The following VCF2 variants were observed in gnomAD, a reference collection of about 807,000 sequenced individuals.
VCF2 encodes the protein protein VCF2.
chrX:55,144,225 G>C, the VCF2 span, among the ~76,000 whole-genome samples: 1 of 111,117 alleles, frequency 9.0e-6, no homozygotes, highest in South Asian at 3.8e-4. Context: ...AATTCTTCCT[G>C]GGTATTTCTG....
At chrX:55,152,697 A>G in the VCF2 span, among the ~76,000 whole-genome samples, 1 of 112,162 alleles carries the variant, frequency 8.9e-6, no homozygotes, top group Non-Finnish European at 1.9e-5. Context: ...CCCACTTCCC[A>G]TTTTATTCCT....
chrX:55,159,931 C>CT, the VCF2 span, among the ~76,000 whole-genome samples: 1 of 111,975 alleles, frequency 8.9e-6, no homozygotes, highest in Non-Finnish European at 1.9e-5. Context: ...CAGACATTTG[C>CT]TTAGAGACTT....
At chrX:55,149,675 A>C in the VCF2 span, among the ~76,000 whole-genome samples, 1 of 111,892 alleles carries the variant, frequency 8.9e-6, no homozygotes. Flanking sequence ...CCCCGATGTC[A>C]GAGTAACAAG....
chrX:55,152,434 A>G, the VCF2 span, among the ~76,000 whole-genome samples: 1 of 111,621 alleles, frequency 9.0e-6, no homozygotes, highest in African/African-American at 3.3e-5. Context: ...ACAACCTGCT[A>G]AAAATAAGGT....
At chrX:55,157,487 G>A in the VCF2 span, among the ~76,000 whole-genome samples, 1 of 112,029 alleles carries the variant, frequency 8.9e-6, no homozygotes, top group African/African-American at 3.2e-5. Context: ...AGCCGAGATC[G>A]TGCCACTGCA....
At chrX:55,159,264 A>G in the VCF2 span, 1 of 1,073,442 alleles carries the variant, frequency 9.3e-7, no homozygotes, top group African/African-American at 1.9e-5. Flanking sequence ...TTGTTACATG[A>G]AACAACTGAT....
At chrX:55,160,804 G>T in the VCF2 span, 1 of 1,149,639 alleles carries the variant, frequency 8.7e-7, no homozygotes, top group Non-Finnish European at 1.2e-6. Context: ...CACTGACTGA[G>T]TTTTCGCGAG....
chrX:55,160,945 C>G, the VCF2 span: 1 of 1,164,281 alleles, frequency 8.6e-7, no homozygotes, highest in Middle Eastern at 2.3e-4. Context: ...ACGAGGCAAG[C>G]AGGGCCGCGC....
the VCF2 span, chrX:55,160,818 C>T: frequency 8.7e-7 from 1 of 1,153,901 alleles, no homozygotes; most frequent in East Asian, 3.3e-5. Context: ...TCGCGAGGGA[C>T]CACATCCCCA....
At chrX:55,146,404 T>C in the VCF2 span, 7 of 764,418 alleles carry the variant, frequency 9.2e-6, no homozygotes, top group South Asian at 2.3e-5. Context: ...AACTCTATAA[T>C]GGGCTTAATG....
the VCF2 span, among the ~76,000 whole-genome samples, chrX:55,153,870 C>T: frequency 9.0e-6 from 1 of 111,460 alleles, no homozygotes; most frequent in African/African-American, 3.3e-5. Context: ...CCTCCTTTAG[C>T]CTAGTAAAGA....
the VCF2 span, chrX:55,146,095 C>T: frequency 8.3e-7 from 1 of 1,207,897 alleles, no homozygotes; most frequent in African/African-American, 1.8e-5. Context: ...CATGTTGGAG[C>T]TTGCCCTCGC....
chrX:55,143,749 ACTT>A, the VCF2 span: 1 of 1,060,600 alleles, frequency 9.4e-7, no homozygotes, highest in Non-Finnish European at 1.3e-6. Flanking sequence ...CCTTGAAAAT[ACTT>A]CTCCTTCATA....
At chrX:55,160,733 G>C in the VCF2 span, 35 of 839,056 alleles carry the variant, frequency 4.2e-5, no homozygotes, top group South Asian at 6.6e-4. Context: ...AATACCAGTT[G>C]CTAGGGTACC....
the VCF2 span, among the ~76,000 whole-genome samples, chrX:55,158,962 T>C: frequency 8.9e-6 from 1 of 112,230 alleles, no homozygotes; most frequent in Non-Finnish European, 1.9e-5. Context: ...TTCTGTGAGA[T>C]ACTATATCAT....
the VCF2 span, chrX:55,161,122 C>A: frequency 8.3e-7 from 1 of 1,208,348 alleles, no homozygotes; most frequent in Non-Finnish European, 1.1e-6. Context: ...GCCGGAAAGG[C>A]CCCGACGAAC....
At chrX:55,155,262 T>C in the VCF2 span, among the ~76,000 whole-genome samples, 1 of 112,023 alleles carries the variant, frequency 8.9e-6, no homozygotes, top group Non-Finnish European at 1.9e-5. Context: ...AAACAGGTAT[T>C]TGAGCATAAG....
At chrX:55,158,792 T>C in the VCF2 span, among the ~76,000 whole-genome samples, 2 of 111,949 alleles carry the variant, frequency 1.8e-5, no homozygotes, top group African/African-American at 6.5e-5. Context: ...AGACTTGCCT[T>C]CCAGCTAATA....
At chrX:55,157,304 G>A in the VCF2 span, among the ~76,000 whole-genome samples, 2 of 112,144 alleles carry the variant, frequency 1.8e-5, no homozygotes, top group South Asian at 3.7e-4. Context: ...AGGCCGAGGC[G>A]GGCGGATCAC....
Sources: allele counts gnomAD v4.1 joint callset (sites outside exome capture counted in the v4.1 genomes callset), GRCh38; gene constraint gnomAD v4.1.1; transcripts MANE v1.5; gene names NCBI Gene and HGNC (gene_info 2026-07-23, HGNC 2026-07-21).